The following KCTD8 variants were observed in gnomAD, a reference collection of about 807,000 sequenced individuals.
KCTD8 encodes BTB/POZ domain-containing protein KCTD8.
KCTD8 carries 27 observed loss-of-function variants against 31.5 expected under a neutral mutation model. That is an observed-to-expected ratio of 0.86 (90% CI 0.63 to 1.18). The LOEUF is 1.18. Ranked by LOEUF, KCTD8 falls within the 50% of genes most tolerant of loss-of-function variation. The probability of loss-of-function intolerance (pLI) is 0.00; values close to 1 mark genes in which losing one functional copy is unlikely to be tolerated. For missense variants in KCTD8, 658 were observed against 647.7 expected, an observed-to-expected ratio of 1.02 and a Z score of -0.17; for synonymous variants, 290 against 280.0, an observed-to-expected ratio of 1.04 and a Z score of -0.36.
intron 1 of KCTD8, among the ~76,000 whole-genome samples, chr4:44,342,958 A>C (rs1560431189): frequency 1.3e-5 from 2 of 152,176 alleles, no homozygotes; most frequent in African/African-American, 4.8e-5. Context: ...GGCTTAAGAG[A>C]ATGTTTGGTT....
At chr4:44,203,070 T>C (rs1436313026) in intron 1 of KCTD8, among the ~76,000 whole-genome samples, 1 of 152,136 alleles carries the variant, frequency 6.6e-6, no homozygotes, top group Non-Finnish European at 1.5e-5. Flanking sequence ...ATTATGTCAA[T>C]GAAAGACTTT....
In KCTD8 at chr4:44,301,677, C is replaced by T. The variant is rs180886468; in HGVS notation, c.962-126427G>A. Among the ~76,000 whole-genome samples the T allele has an allele frequency of 7.5e-3, 1,145 of 152,264 alleles. 13 individuals carry two copies. The highest frequency in any genetic ancestry group is 0.026 in the African/African-American group (1,068 of 41,550). ...TCCCATTTCATAGGTTGCCTGTTCA[C>T]TCTAATGGTAGTTTCTTTTGCTGTG... is the stretch of plus-strand genomic sequence containing the variant. On this transcript the variant is annotated intron_variant, in intron 1 of 1. Coordinates refer to ENST00000360029, the MANE Select transcript of KCTD8 (RefSeq NM_198353.3).
chr4:44,412,095 G>C (rs1720974992), intron 1 of KCTD8, among the ~76,000 whole-genome samples: 3 of 152,190 alleles, frequency 2.0e-5, no homozygotes, highest in South Asian at 2.1e-4. Context: ...TGTAATAACT[G>C]GGCAGGGTAA....
intron 1 of KCTD8, among the ~76,000 whole-genome samples, chr4:44,377,212 G>T (rs936007095): frequency 1.3e-5 from 2 of 152,122 alleles, no homozygotes; most frequent in Non-Finnish European, 2.9e-5. Context: ...AGAGAGATGG[G>T]TTCCATACTC....
chr4:44,230,926 T>G (rs968109459), intron 1 of KCTD8, among the ~76,000 whole-genome samples: 1 of 152,124 alleles, frequency 6.6e-6, no homozygotes, highest in African/African-American at 2.4e-5. Flanking sequence ...ATAATGTGAT[T>G]TCTGAGCCCA....
chr4:44,247,122 G>A (rs537337641), intron 1 of KCTD8, among the ~76,000 whole-genome samples: 9 of 151,974 alleles, frequency 5.9e-5, no homozygotes, highest in East Asian at 3.9e-4. Context: ...CCACCTAAGC[G>A]GATCACACAT....
intron 1 of KCTD8, among the ~76,000 whole-genome samples, chr4:44,324,342 C>T (rs1409467834): frequency 6.6e-6 from 1 of 151,966 alleles, no homozygotes; most frequent in East Asian, 1.9e-4. Flanking sequence ...TTATGACTAA[C>T]TCTTTTTTGA....
chr4:44,214,338 C>T (rs985648353), intron 1 of KCTD8, among the ~76,000 whole-genome samples: 1 of 152,186 alleles, frequency 6.6e-6, no homozygotes, highest in Non-Finnish European at 1.5e-5. Flanking sequence ...TTAGCTCCTG[C>T]TTTCTTTACT....
intron 1 of KCTD8, among the ~76,000 whole-genome samples, chr4:44,303,009 G>A (rs1322684842): frequency 2.0e-5 from 3 of 152,070 alleles, no homozygotes; most frequent in Non-Finnish European, 4.4e-5. Context: ...CTGTTTATAT[G>A]CTGGATTACA....
chr4:44,261,144 C>T (rs773183693), intron 1 of KCTD8, among the ~76,000 whole-genome samples: 3 of 151,898 alleles, frequency 2.0e-5, no homozygotes, highest in Middle Eastern at 3.4e-3. Context: ...GAATGAAGGA[C>T]GGTGGCAAGA....
intron 1 of KCTD8, among the ~76,000 whole-genome samples, chr4:44,280,508 C>T (rs1260993159): frequency 6.6e-6 from 1 of 152,038 alleles, no homozygotes; most frequent in South Asian, 2.1e-4. Context: ...ACTACTAAGG[C>T]TTGAGAAAAC....
rs200311284 is a variant in KCTD8 at position 44,337,862 on chromosome 4, AAT to A, written c.961+109699_961+109700del. 1.4e-4 allele frequency among the ~76,000 whole-genome samples: 22 copies of A among 151,902 alleles called. No homozygotes were observed. In the East Asian group the frequency reaches 3.9e-3, roughly 27 times the overall value. On this transcript the variant is annotated intron_variant, in intron 1 of 1. Coordinates refer to ENST00000360029, the MANE Select transcript of KCTD8 (RefSeq NM_198353.3). ...ATATCCTGGTCACAGGAATAGTACTAATATTTTATTCTGCTTAATAATGCCCT... is the reference window on the plus strand; with the variant it reads ...ATATCCTGGTCACAGGAATAGTACTAATTTTATTCTGCTTAATAATGCCCT...
intron 1 of KCTD8, among the ~76,000 whole-genome samples, chr4:44,175,837 A>G (rs1226687605): frequency 6.6e-6 from 1 of 152,210 alleles, no homozygotes; most frequent in Non-Finnish European, 1.5e-5. Context: ...TCTACTTCCT[A>G]GAGGAAAATT....
chr4:44,343,469 A>T (rs1718958961), intron 1 of KCTD8, among the ~76,000 whole-genome samples: 1 of 152,216 alleles, frequency 6.6e-6, no homozygotes, highest in Non-Finnish European at 1.5e-5. Context: ...ATATAATAAT[A>T]TTGAAAAAGT....
At chr4:44,397,043 T>C (rs1720523215) in intron 1 of KCTD8, among the ~76,000 whole-genome samples, 1 of 152,100 alleles carries the variant, frequency 6.6e-6, no homozygotes, top group South Asian at 2.1e-4. Context: ...CTATGCTGGC[T>C]CCATCTGGAC....
chr4:44,200,002 G>A (rs1014845899), intron 1 of KCTD8, among the ~76,000 whole-genome samples: 1 of 151,544 alleles, frequency 6.6e-6, no homozygotes, highest in East Asian at 1.9e-4. Context: ...AATAAAAAAA[G>A]ATCCTGAAAG....
intron 1 of KCTD8, among the ~76,000 whole-genome samples, chr4:44,320,050 T>C (rs566141099): frequency 1.3e-5 from 2 of 151,746 alleles, no homozygotes; most frequent in South Asian, 4.1e-4. Flanking sequence ...TGAGCACCTG[T>C]AATTCCAGGT....
chr4:44,182,603 A>G (rs975706917), intron 1 of KCTD8, among the ~76,000 whole-genome samples: 1 of 152,056 alleles, frequency 6.6e-6, no homozygotes, highest in Non-Finnish European at 1.5e-5. Flanking sequence ...GCTCGTTAAG[A>G]GTCATCAGCA....
At chr4:44,282,578 A>G (rs1224818204) in intron 1 of KCTD8, among the ~76,000 whole-genome samples, 1 of 152,136 alleles carries the variant, frequency 6.6e-6, no homozygotes, top group Non-Finnish European at 1.5e-5. Context: ...AACATGTTGA[A>G]AGGTGAGACA....
Sources: allele counts gnomAD v4.1 joint callset (sites outside exome capture counted in the v4.1 genomes callset), GRCh38; gene constraint gnomAD v4.1.1; transcripts MANE v1.5; gene names NCBI Gene and HGNC (gene_info 2026-07-23, HGNC 2026-07-21).